The following NAV2 variants were observed in gnomAD, a reference collection of about 807,000 sequenced individuals.
NAV2 encodes neuron navigator 2.
Under a neutral mutation model 223.2 loss-of-function variants are expected in NAV2, and 54 were observed. The observed-to-expected ratio is 0.24, with a 90% CI of 0.19 to 0.30. The LOEUF is 0.30. Ranked by LOEUF, NAV2 falls within the 10% of genes least tolerant of loss-of-function variation. The pLI is 1.00. For synonymous variants in NAV2, 1,279 were observed against 1,239.3 expected (o/e 1.03, Z -0.67); for missense variants, 2,806 against 3,147.5 (o/e 0.89, Z 2.60).
At chr11:19,478,513 G>A (rs2042185941) in intron 1 of NAV2, among the ~76,000 whole-genome samples, 2 of 152,146 alleles carry the variant, frequency 1.3e-5, no homozygotes, top group Admixed American at 6.5e-5. Context: ...CAAGAAATGG[G>A]GAGGATATTA....
At chr11:20,083,535 C>T (rs1460591132) in intron 26 of NAV2, among the ~76,000 whole-genome samples, 1 of 152,150 alleles carries the variant, frequency 6.6e-6, no homozygotes, top group African/African-American at 2.4e-5. Flanking sequence ...GAGCTTGCTT[C>T]CTGCAGCAGT....
chr11:20,058,307 G>A (rs912946503), intron 19 of NAV2, among the ~76,000 whole-genome samples: 3 of 152,160 alleles, frequency 2.0e-5, no homozygotes, highest in Admixed American at 6.5e-5. Context: ...TGAGGTTTTT[G>A]TGCAATTTAA....
chr11:19,872,890 C>T (rs1260014812), intron 4 of NAV2, among the ~76,000 whole-genome samples: 1 of 152,200 alleles, frequency 6.6e-6, no homozygotes, highest in Non-Finnish European at 1.5e-5. Flanking sequence ...TTGAACCCAT[C>T]TATTTGCTCT....
intron 11 of NAV2, among the ~76,000 whole-genome samples, chr11:20,008,683 T>C (rs1283224934): frequency 6.6e-6 from 1 of 151,904 alleles, no homozygotes; most frequent in Non-Finnish European, 1.5e-5. Context: ...TTTCTTTTTC[T>C]GTTGCTTGTG....
chr11:19,582,149 T>G (rs2045739323), intron 1 of NAV2, among the ~76,000 whole-genome samples: 4 of 152,236 alleles, frequency 2.6e-5, no homozygotes, highest in Admixed American at 2.6e-4. Flanking sequence ...GTTTTTTGGC[T>G]GCATAAATGT....
At chr11:19,703,041 A>G (rs1181982322) in intron 1 of NAV2, among the ~76,000 whole-genome samples, 1 of 151,572 alleles carries the variant, frequency 6.6e-6, no homozygotes, top group Admixed American at 6.6e-5. Flanking sequence ...CTCTTTATAA[A>G]CATGTTTATT....
intron 1 of NAV2, among the ~76,000 whole-genome samples, chr11:19,668,522 GACTCGGT>G (rs1452361979): frequency 1.2e-4 from 12 of 102,406 alleles, no homozygotes; most frequent in African/African-American, 4.1e-4. Context: ...AACAGAATGA[GACTCGGT>G]CTCAAAAAAA....
At chr11:19,541,176 C>A (rs2044330842) in intron 1 of NAV2, among the ~76,000 whole-genome samples, 1 of 152,220 alleles carries the variant, frequency 6.6e-6, no homozygotes, top group Non-Finnish European at 1.5e-5. Context: ...GCATTCACTG[C>A]TACTGGAACC....
chr11:19,821,261 CAAAAAA>C (rs60029840), intron 1 of NAV2, among the ~76,000 whole-genome samples: 12 of 99,592 alleles, frequency 1.2e-4, no homozygotes, highest in African/African-American at 3.4e-4. Context: ...GACTCTGTCT[CAAAAAA>C]AAAAAAAAAA....
intron 1 of NAV2, among the ~76,000 whole-genome samples, chr11:19,669,518 A>T (rs771065398): frequency 1.3e-5 from 2 of 152,256 alleles, no homozygotes; most frequent in Admixed American, 6.5e-5. Context: ...TGTGTAAAGC[A>T]CAGTGCCTTG....
chr11:19,655,483 G>A (rs2048093447), intron 1 of NAV2, among the ~76,000 whole-genome samples: 1 of 152,020 alleles, frequency 6.6e-6, no homozygotes, highest in Non-Finnish European at 1.5e-5. Flanking sequence ...CAAAGACTTG[G>A]AACCAACCCT....
intron 1 of NAV2, among the ~76,000 whole-genome samples, chr11:19,383,296 A>G (rs966613043): frequency 1.3e-5 from 2 of 152,006 alleles, no homozygotes; most frequent in African/African-American, 4.8e-5. Context: ...CTCCCAAATA[A>G]CCTCATGATA....
At chr11:19,992,884 C>T (rs896759646) in intron 11 of NAV2, among the ~76,000 whole-genome samples, 5 of 152,102 alleles carry the variant, frequency 3.3e-5, no homozygotes, top group Non-Finnish European at 5.9e-5. Flanking sequence ...TGAGCCACTG[C>T]GCCCCACCTG....
intron 1 of NAV2, among the ~76,000 whole-genome samples, chr11:19,659,441 G>A (rs550737808): frequency 2.0e-5 from 3 of 152,198 alleles, no homozygotes; most frequent in Admixed American, 1.3e-4. Context: ...GGGAGTTAAC[G>A]TGCTGGGGGG....
chr11:20,068,793 A>C (rs939050559), intron 22 of NAV2, among the ~76,000 whole-genome samples: 1 of 152,196 alleles, frequency 6.6e-6, no homozygotes, highest in African/African-American at 2.4e-5. Context: ...GGGCTTTTCA[A>C]TATCTAGGTA....
intron 25 of NAV2, among the ~76,000 whole-genome samples, chr11:20,082,300 A>C (rs2060140735): frequency 6.6e-6 from 1 of 152,148 alleles, no homozygotes; most frequent in Non-Finnish European, 1.5e-5. Context: ...AGAGAATGAG[A>C]AGCACAGGAA....
chr11:19,699,788 T>C (rs1307620250), intron 1 of NAV2, among the ~76,000 whole-genome samples: 1 of 152,186 alleles, frequency 6.6e-6, no homozygotes, highest in Non-Finnish European at 1.5e-5. Context: ...ATGAGAAAAG[T>C]TGAGCCCCTC....
At chr11:19,346,536 A>G (rs556712962), upstream of NAV2, among the ~76,000 whole-genome samples, 10 of 152,334 alleles carry the variant, frequency 6.6e-5, no homozygotes, top group East Asian at 1.5e-3. Flanking sequence ...CTTGCCTGCA[A>G]AGGGACTCAG....
In NAV2 at chr11:19,530,865, C is replaced by T. The variant is rs567862030; in HGVS notation, c.75+179838C>T. Among the ~76,000 whole-genome samples, 12 of 152,306 alleles carry T rather than the reference C, an allele frequency of 7.9e-5. No individual in the cohort carries two copies. The East Asian group carries it at 1.9e-3, about 24-fold the overall frequency. Reference sequence around the variant, plus strand: ...GAGAGTTTAAATGAATCTGCCAAGTCCCACAGCCACGAAGTAGTATATTCA... The same window carrying T: ...GAGAGTTTAAATGAATCTGCCAAGTTCCACAGCCACGAAGTAGTATATTCA... On this transcript the variant is annotated intron_variant, in intron 1 of 37. Transcript: ENST00000360655.
Sources: allele counts gnomAD v4.1 joint callset (sites outside exome capture counted in the v4.1 genomes callset), GRCh38; gene constraint gnomAD v4.1.1; transcripts MANE v1.5; gene names NCBI Gene and HGNC (gene_info 2026-07-23, HGNC 2026-07-21).